PRKCE: variants seen among roughly 807,000 people sequenced by gnomAD.
The protein encoded by PRKCE is protein kinase C epsilon.
Under a neutral mutation model 85.4 loss-of-function variants are expected in PRKCE, and 16 were observed. The observed-to-expected ratio is 0.19, with a 90% CI of 0.13 to 0.28. The LOEUF is 0.28. Ranked by LOEUF, PRKCE falls within the 10% of genes least tolerant of loss-of-function variation. PRKCE has a pLI of 1.00. For synonymous variants in PRKCE, 388 were observed against 371.5 expected (o/e 1.04, Z -0.51); for missense variants, 573 against 975.2 (o/e 0.59, Z 5.49).
intron 2 of PRKCE, among the ~76,000 whole-genome samples, chr2:45,897,602 G>C (rs889754071): frequency 1.2e-4 from 18 of 152,188 alleles, no homozygotes; most frequent in Non-Finnish European, 2.6e-4. Flanking sequence ...CAGATGTTTA[G>C]AGGTGCAAGA....
chr2:45,699,100 CATAAT>C (rs1678398228), intron 1 of PRKCE, among the ~76,000 whole-genome samples: 2 of 151,754 alleles, frequency 1.3e-5, no homozygotes, highest in South Asian at 4.2e-4. Flanking sequence ...TTGCTGTTCC[CATAAT>C]ATATTTTTTT....
At chr2:46,031,159 A>G (rs1266520729) in intron 10 of PRKCE, among the ~76,000 whole-genome samples, 1 of 152,262 alleles carries the variant, frequency 6.6e-6, no homozygotes, top group African/African-American at 2.4e-5. Flanking sequence ...AGCTTTACAA[A>G]TAAACGAAAA....
At chr2:45,934,380 C>G (rs563060090) in intron 2 of PRKCE, among the ~76,000 whole-genome samples, 63 of 152,174 alleles carry the variant, frequency 4.1e-4, no homozygotes, top group African/African-American at 1.4e-3. Flanking sequence ...CAGGCATGGT[C>G]ACTCATGCCT....
At chr2:45,973,249 G>A (rs1029465724) in intron 2 of PRKCE, among the ~76,000 whole-genome samples, 2 of 152,168 alleles carry the variant, frequency 1.3e-5, no homozygotes, top group Non-Finnish European at 2.9e-5. Flanking sequence ...CATTGTATAG[G>A]CCACTTTCTT....
chr2:45,852,656 A>G (rs1692368520), intron 2 of PRKCE, among the ~76,000 whole-genome samples: 1 of 152,188 alleles, frequency 6.6e-6, no homozygotes, highest in South Asian at 2.1e-4. Context: ...CTAGCTCTAT[A>G]GTTCTGAGTC....
chr2:45,903,013 C>T (rs749955378), intron 2 of PRKCE, among the ~76,000 whole-genome samples: 11 of 152,174 alleles, frequency 7.2e-5, no homozygotes, highest in Non-Finnish European at 8.8e-5. Flanking sequence ...ATTTTCCCCC[C>T]AGGAGGATCC....
At chr2:45,969,773 C>T (rs1445635355) in intron 2 of PRKCE, among the ~76,000 whole-genome samples, 3 of 152,198 alleles carry the variant, frequency 2.0e-5, no homozygotes, top group Non-Finnish European at 4.4e-5. Flanking sequence ...ATCCCATCAT[C>T]CTAGTGGAGC....
At chr2:45,993,033 A>G (rs1014149398) in intron 6 of PRKCE, among the ~76,000 whole-genome samples, 6 of 152,182 alleles carry the variant, frequency 3.9e-5, no homozygotes, top group African/African-American at 1.4e-4. Context: ...GAAACCAGTG[A>G]AAGTGAGCAC....
Position 45,905,721 on chromosome 2 carries a change from G to T in PRKCE, c.412+62658G>T, listed in dbSNP as rs13015067. Among the ~76,000 whole-genome samples, 37,866 of 152,182 alleles carry T rather than the reference G, an allele frequency of 0.25. 5,659 individuals are homozygous for T. Among genetic ancestry groups the T allele is most frequent in the Non-Finnish European group, 0.34 (22,834 of 67,976 alleles). On this transcript the variant is annotated intron_variant, in intron 2 of 14. Coordinates refer to ENST00000306156, the MANE Select transcript of PRKCE (RefSeq NM_005400.3). This position sits in a 1 kb window ranked among gnomAD's most constrained non-coding sequence, Gnocchi z 4.4. ...GAACACTGCAACTGTGATCTACAAA[G>T]ATAGGATGTTTACTGAAGGGTAAAT...
chr2:46,056,612 G>C (rs1333579270), intron 10 of PRKCE, among the ~76,000 whole-genome samples: 1 of 152,122 alleles, frequency 6.6e-6, no homozygotes, highest in African/African-American at 2.4e-5. Flanking sequence ...CCTCTTGAAT[G>C]TCTTTTCATT....
At chr2:45,654,594 G>C (rs1353981439) in intron 1 of PRKCE, among the ~76,000 whole-genome samples, 4 of 152,248 alleles carry the variant, frequency 2.6e-5, no homozygotes, top group Non-Finnish European at 2.9e-5. Context: ...TCCATGTGCT[G>C]TGTCCCTGAC....
intron 1 of PRKCE, among the ~76,000 whole-genome samples, chr2:45,830,688 A>G (rs34346232): frequency 0.63 from 96,460 of 151,994 alleles, 31,755 homozygotes; most frequent in African/African-American, 0.81. Context: ...GAATACTAGG[A>G]TAAAGAAGAC....
chr2:45,721,689 C>G (rs961461161), intron 1 of PRKCE, among the ~76,000 whole-genome samples: 2 of 152,008 alleles, frequency 1.3e-5, no homozygotes, highest in African/African-American at 4.8e-5. Flanking sequence ...ACCACCTGGG[C>G]AACAAGCTAA....
At chr2:45,976,146 G>A (rs1010932909) in intron 2 of PRKCE, among the ~76,000 whole-genome samples, 2 of 152,176 alleles carry the variant, frequency 1.3e-5, no homozygotes, top group African/African-American at 4.8e-5. Flanking sequence ...AGCCTGTGTG[G>A]GGAGGAAAGG....
At chr2:45,919,666 G>A (rs1698104908) in intron 2 of PRKCE, among the ~76,000 whole-genome samples, 1 of 152,218 alleles carries the variant, frequency 6.6e-6, no homozygotes, top group African/African-American at 2.4e-5. Flanking sequence ...AACAGATCGT[G>A]GATCATTGTC....
At chr2:45,911,632 T>G (rs978224682) in intron 2 of PRKCE, among the ~76,000 whole-genome samples, 1 of 152,190 alleles carries the variant, frequency 6.6e-6, no homozygotes, top group African/African-American at 2.4e-5. Context: ...CCATTTTCTA[T>G]GACTTTAGGA....
At chr2:45,825,995 A>G (rs1407589050) in intron 1 of PRKCE, among the ~76,000 whole-genome samples, 1 of 152,196 alleles carries the variant, frequency 6.6e-6, no homozygotes, top group Non-Finnish European at 1.5e-5. Context: ...CAGAAAGTTA[A>G]CAGAAGCAGG....
intron 1 of PRKCE, among the ~76,000 whole-genome samples, chr2:45,666,849 A>G (rs1053587995): frequency 1.3e-5 from 2 of 152,144 alleles, no homozygotes; most frequent in Non-Finnish European, 1.5e-5. Flanking sequence ...ATTTAAAAAC[A>G]AATTTATTTA....
At chr2:46,103,906 G>A (rs1227378444) in intron 11 of PRKCE, among the ~76,000 whole-genome samples, 1 of 152,210 alleles carries the variant, frequency 6.6e-6, no homozygotes, top group East Asian at 1.9e-4. Context: ...AGGTGGAAGG[G>A]GAGGCAGGAG....
Sources: allele counts gnomAD v4.1 joint callset (sites outside exome capture counted in the v4.1 genomes callset), GRCh38; gene constraint gnomAD v4.1.1; non-coding constraint Gnocchi (gnomAD v3.1); transcripts MANE v1.5; gene names NCBI Gene and HGNC (gene_info 2026-07-23, HGNC 2026-07-21).